ZSCAN25: variants seen among roughly 807,000 people sequenced by gnomAD.
The protein encoded by ZSCAN25 is zinc finger and SCAN domain-containing protein 25.
In ZSCAN25, 27 loss-of-function variants were observed where a neutral mutation model predicts 38.7. The observed-to-expected ratio is 0.70, with a 90% CI of 0.51 to 0.96. The LOEUF is 0.96. ZSCAN25 is among the 40% of genes least tolerant of loss of function. The pLI is 0.00. For missense variants in ZSCAN25, 637 were observed against 705.9 expected (o/e 0.90, Z 1.11); for synonymous variants, 273 against 277.7 (o/e 0.98, Z 0.17).
At chr7:99,624,476 A>AC (rs900307176) in intron 7 of ZSCAN25, 6 of 376,598 alleles carry the variant, frequency 1.6e-5, no homozygotes, top group Non-Finnish European at 3.0e-5. Context: ...GGGCTTGAGA[A>AC]CAAGATACGA....
chr7:99,717,907 A>G, the ZSCAN25 span, among the ~76,000 whole-genome samples: 3 of 152,290 alleles, frequency 2.0e-5, no homozygotes, highest in African/African-American at 7.2e-5. Flanking sequence ...AGACAGGATC[A>G]ACACCTAGCA....
the ZSCAN25 span, chr7:99,652,493 G>C: frequency 2.7e-6 from 3 of 1,092,036 alleles, no homozygotes; most frequent in Non-Finnish European, 4.0e-6. Flanking sequence ...ATTAAGAGAG[G>C]CAGAATATGC....
chr7:99,638,714 T>C, the ZSCAN25 span: 1 of 1,323,056 alleles, frequency 7.6e-7, no homozygotes, highest in African/African-American at 1.4e-5. Flanking sequence ...AGGCGCAACA[T>C]GAGGATCCAC....
At chr7:99,660,458 G>C in the ZSCAN25 span, 3 of 1,556,678 alleles carry the variant, frequency 1.9e-6, no homozygotes, top group South Asian at 3.6e-5. Flanking sequence ...TTTTGCTAAG[G>C]CTTCACCTCT....
the ZSCAN25 span, among the ~76,000 whole-genome samples, chr7:99,675,774 G>C: frequency 7.0e-6 from 1 of 143,470 alleles, no homozygotes; most frequent in African/African-American, 2.6e-5. Context: ...GCTCAATACA[G>C]CCTTGACTTC....
At chr7:99,623,776 A>T (rs1229368550) in intron 6 of ZSCAN25, among the ~76,000 whole-genome samples, 1 of 152,166 alleles carries the variant, frequency 6.6e-6, no homozygotes, top group East Asian at 1.9e-4. Context: ...CCGAATGTGA[A>T]CTTTGTTCTT....
chr7:99,631,542 T>G lies in ZSCAN25; in HGVS notation c.*1522T>G. On this transcript the variant is annotated 3_prime_UTR_variant, in exon 8 of 8. Coordinates refer to ENST00000394152, the MANE Select transcript of ZSCAN25 (RefSeq NM_145115.3). ...CCTGGCTGAGTGAGTGAGTTTGTCCTTTGTTGATAGTGTCCTATAATTGCA... is the reference window on the plus strand; with the variant it reads ...CCTGGCTGAGTGAGTGAGTTTGTCCGTTGTTGATAGTGTCCTATAATTGCA... 1.0e-6 allele frequency: 1 copy of G among 985,558 alleles called. No individual in the cohort carries two copies. The highest frequency in any genetic ancestry group is 1.1e-4 in the East Asian group (1 of 8,812). 61.1% of individuals were successfully genotyped at this position (985,558 alleles called of 1,614,324 possible).
the ZSCAN25 span, among the ~76,000 whole-genome samples, chr7:99,731,602 T>C: frequency 6.6e-6 from 1 of 152,190 alleles, no homozygotes; most frequent in African/African-American, 2.4e-5. Flanking sequence ...CTGCATCCAC[T>C]CAGTCACAGG....
At chr7:99,662,694 T>C in the ZSCAN25 span, 1 of 883,740 alleles carries the variant, frequency 1.1e-6, no homozygotes, top group Non-Finnish European at 1.8e-6. The surrounding 1 kb of genome is among the most constrained non-coding windows in gnomAD (Gnocchi z 4.3). Context: ...CATCTAAATG[T>C]GTGTTGTTCT....
At chr7:99,717,194 C>T in the ZSCAN25 span, 1 of 1,613,920 alleles carries the variant, frequency 6.2e-7, no homozygotes, top group Admixed American at 1.7e-5. Context: ...AGGTGACAGG[C>T]TTGCCTGTCT....
chr7:99,622,761 C>T, intron 6 of ZSCAN25, 121 bp downstream of exon 6: 2 of 880,200 alleles, frequency 2.3e-6, no homozygotes, highest in East Asian at 2.6e-5. Context: ...TTCTCCCTTC[C>T]TAGTCCCGGT....
At chr7:99,660,516 C>T in the ZSCAN25 span, 5 of 1,612,642 alleles carry the variant, frequency 3.1e-6, no homozygotes, top group East Asian at 8.9e-5. Flanking sequence ...GGCAAAACTG[C>T]ATCAATCTCC....
At chr7:99,706,976 G>T in the ZSCAN25 span, among the ~76,000 whole-genome samples, 1 of 152,180 alleles carries the variant, frequency 6.6e-6, no homozygotes, top group African/African-American at 2.4e-5. Flanking sequence ...ATGATTTAAT[G>T]GCAAATTATG....
the ZSCAN25 span, among the ~76,000 whole-genome samples, chr7:99,726,273 G>A: frequency 2.6e-5 from 4 of 152,130 alleles, no homozygotes; most frequent in Non-Finnish European, 5.9e-5. Flanking sequence ...TCCCACAAGA[G>A]GCTTTAAGGA....
chr7:99,700,472 A>T, the ZSCAN25 span, among the ~76,000 whole-genome samples: 1 of 152,072 alleles, frequency 6.6e-6, no homozygotes. Context: ...CCTGGAGTGT[A>T]CTTGTGCCCC....
At chr7:99,662,618 C>T in the ZSCAN25 span, among the ~76,000 whole-genome samples, 1 of 152,164 alleles carries the variant, frequency 6.6e-6, no homozygotes, top group South Asian at 2.1e-4. This position sits in a 1 kb window ranked among gnomAD's most constrained non-coding sequence, Gnocchi z 4.3. Flanking sequence ...TTAGGGTTGC[C>T]CTTTCAGCCT....
chr7:99,696,158 C>T, the ZSCAN25 span, among the ~76,000 whole-genome samples: 1 of 152,070 alleles, frequency 6.6e-6, no homozygotes, highest in African/African-American at 2.4e-5. Context: ...TCTTCCAGGG[C>T]ACTTCATTTC....
At chr7:99,689,019 T>C in the ZSCAN25 span, among the ~76,000 whole-genome samples, 1 of 152,148 alleles carries the variant, frequency 6.6e-6, no homozygotes, top group East Asian at 1.9e-4. Context: ...TTCAAAGCAG[T>C]ATGTAGAGGG....
chr7:99,697,338 G>A, the ZSCAN25 span, among the ~76,000 whole-genome samples: 6 of 152,124 alleles, frequency 3.9e-5, no homozygotes, highest in East Asian at 1.9e-4. Flanking sequence ...GTTACTGAGG[G>A]GTGGAAGACT....
Sources: gnomAD v4.1 joint callset for allele counts (sites outside exome capture counted in the v4.1 genomes callset) on GRCh38, gnomAD v4.1.1 for gene constraint, Gnocchi (gnomAD v3.1) non-coding constraint, MANE v1.5 for transcripts, NCBI Gene and HGNC (gene_info 2026-07-23, HGNC 2026-07-21) for gene names.